IMMP2L: variants seen among roughly 807,000 people sequenced by gnomAD.
IMMP2L encodes the protein inner mitochondrial membrane peptidase subunit 2.
IMMP2L carries 18 observed loss-of-function variants against 19.3 expected under a neutral mutation model. That is an observed-to-expected ratio of 0.93 (90% CI 0.64 to 1.38). The LOEUF is 1.38. IMMP2L is among the 40% of genes most tolerant of loss of function. The pLI, the probability that IMMP2L is intolerant of heterozygous loss-of-function variation, is 0.00. For missense variants in IMMP2L, 233 were observed against 218.2 expected, an observed-to-expected ratio of 1.07 and a Z score of -0.43; for synonymous variants, 76 against 73.0, an observed-to-expected ratio of 1.04 and a Z score of -0.21.
intron 5 of IMMP2L, among the ~76,000 whole-genome samples, chr7:110,746,201 G>C (rs1797334539): frequency 6.6e-6 from 1 of 152,146 alleles, no homozygotes; most frequent in Non-Finnish European, 1.5e-5. Flanking sequence ...AACAAGAAGA[G>C]CTAAGTATCC....
chr7:111,031,837 T>C (rs1337711809), intron 3 of IMMP2L, among the ~76,000 whole-genome samples: 2 of 151,958 alleles, frequency 1.3e-5, no homozygotes, highest in Non-Finnish European at 2.9e-5. Context: ...ATGTTGACAA[T>C]ATGTACCCTT....
intron 3 of IMMP2L, among the ~76,000 whole-genome samples, chr7:111,070,141 A>T (rs1794830116): frequency 6.6e-6 from 1 of 152,220 alleles, no homozygotes; most frequent in Non-Finnish European, 1.5e-5. Context: ...GTGAAAAAAA[A>T]ATATGTAAAG....
chr7:110,745,157 A>G lies in IMMP2L; in HGVS notation c.409-81436T>C, dbSNP rs989711997. Among the ~76,000 whole-genome samples the G allele has an allele frequency of 3.3e-5, 5 of 152,222 alleles. No homozygotes were observed. The East Asian group carries it at 9.6e-4, about 29-fold the overall frequency. On this transcript the variant is annotated intron_variant, in intron 5 of 5. Coordinates refer to ENST00000405709, the MANE Select transcript of IMMP2L (RefSeq NM_032549.4). ...AAGAGGAAGAAAGGATATCAGAGAC[A>G]GAAGATCAACTCAATGAAATAAAGC...
chr7:111,258,845 C>T (rs767703842), intron 3 of IMMP2L, among the ~76,000 whole-genome samples: 3 of 152,082 alleles, frequency 2.0e-5, no homozygotes, highest in Admixed American at 2.0e-4. Flanking sequence ...TAAAACTACA[C>T]TTTTCAGTAC....
At chr7:111,251,132 G>A (rs1391906628) in intron 3 of IMMP2L, among the ~76,000 whole-genome samples, 2 of 152,032 alleles carry the variant, frequency 1.3e-5, no homozygotes, top group African/African-American at 4.8e-5. Context: ...CATAGAGCCA[G>A]TAAACATATG....
At chr7:111,384,294 G>A (rs142682144) in intron 3 of IMMP2L, among the ~76,000 whole-genome samples, 2 of 150,282 alleles carry the variant, frequency 1.3e-5, no homozygotes, top group South Asian at 4.2e-4. Context: ...AAGGAGAGAG[G>A]AGAAAGGAGG....
chr7:111,078,621 T>A (rs1795614212), intron 3 of IMMP2L, among the ~76,000 whole-genome samples: 2 of 152,184 alleles, frequency 1.3e-5, no homozygotes, highest in African/African-American at 4.8e-5. Flanking sequence ...CAAAGTGGTA[T>A]ATACAATATA....
intron 4 of IMMP2L, among the ~76,000 whole-genome samples, chr7:110,954,727 A>C (rs1005427804): frequency 1.3e-5 from 2 of 152,098 alleles, no homozygotes; most frequent in Non-Finnish European, 1.5e-5. Context: ...TGGCTTCTAC[A>C]TCACACCAAA....
intron 4 of IMMP2L, among the ~76,000 whole-genome samples, chr7:110,931,829 C>T (rs1228294221): frequency 6.6e-6 from 1 of 152,174 alleles, no homozygotes; most frequent in Non-Finnish European, 1.5e-5. Context: ...TCCCACTACA[C>T]TCCACTTCAT....
chr7:110,964,196 T>C (rs944509153), intron 3 of IMMP2L, among the ~76,000 whole-genome samples: 2 of 152,062 alleles, frequency 1.3e-5, no homozygotes, highest in African/African-American at 2.4e-5. Flanking sequence ...CTTTATAAAC[T>C]ATCCAGTCTC....
intron 5 of IMMP2L, among the ~76,000 whole-genome samples, chr7:110,664,040 T>C (rs1791252274): frequency 6.6e-6 from 1 of 152,090 alleles, no homozygotes; most frequent in Non-Finnish European, 1.5e-5. Context: ...TTTGCCAAAA[T>C]TCATACAGCT....
intron 3 of IMMP2L, among the ~76,000 whole-genome samples, chr7:111,300,284 G>C (rs567223366): frequency 3.3e-5 from 5 of 152,260 alleles, no homozygotes; most frequent in African/African-American, 9.6e-5. Context: ...CTTTCTAAAA[G>C]TACAGACACG....
rs548280444 is a variant in IMMP2L, at chr7:111,334,729, C to G, written c.239+152509G>C. 5.3e-5 allele frequency among the ~76,000 whole-genome samples: 8 copies of G among 152,118 alleles called. No individual in the cohort carries two copies. The East Asian group carries it at 1.5e-3, about 29-fold the overall frequency. ...TGCAAAAGACTTCCAGGGAATTTAG[C>G]TCCCTAGAAGTTGATGGCACTGATT... On this transcript the variant is annotated intron_variant, in intron 3 of 5. Transcript: ENST00000405709.
intron 3 of IMMP2L, among the ~76,000 whole-genome samples, chr7:111,375,345 C>T (rs1438619940): frequency 6.6e-6 from 1 of 152,012 alleles, no homozygotes; most frequent in Non-Finnish European, 1.5e-5. Flanking sequence ...ATCCAATCCA[C>T]TTGCTTAAAT....
intron 5 of IMMP2L, among the ~76,000 whole-genome samples, chr7:110,702,843 C>T (rs1305063334): frequency 6.6e-6 from 1 of 152,064 alleles, no homozygotes; most frequent in Non-Finnish European, 1.5e-5. Context: ...CATGTACAAT[C>T]ATGTTTTTAA....
chr7:111,442,802 T>C (rs1015512621), intron 3 of IMMP2L, among the ~76,000 whole-genome samples: 3 of 151,860 alleles, frequency 2.0e-5, no homozygotes, highest in Admixed American at 1.3e-4. Context: ...CACAGGAGAG[T>C]AAGTGGTTTT....
intron 3 of IMMP2L, among the ~76,000 whole-genome samples, chr7:111,104,507 AT>A: frequency 6.6e-6 from 1 of 151,886 alleles, no homozygotes; most frequent in East Asian, 1.9e-4. Flanking sequence ...GCTGATATCA[AT>A]TTTTTAAAAG....
At chr7:111,457,967 T>C (rs1839817144) in intron 3 of IMMP2L, among the ~76,000 whole-genome samples, 4 of 150,770 alleles carry the variant, frequency 2.7e-5, no homozygotes, top group Admixed American at 6.6e-5. Flanking sequence ...CAACAAATGT[T>C]CGAGTGCATT....
chr7:111,190,896 G>A (rs1808789498), intron 3 of IMMP2L, among the ~76,000 whole-genome samples: 1 of 152,090 alleles, frequency 6.6e-6, no homozygotes, highest in South Asian at 2.1e-4. Context: ...GAGAGCTGGT[G>A]CCACAAATTT....
Sources: allele counts gnomAD v4.1 joint callset (sites outside exome capture counted in the v4.1 genomes callset), GRCh38; gene constraint gnomAD v4.1.1; transcripts MANE v1.5; gene names NCBI Gene and HGNC (gene_info 2026-07-23, HGNC 2026-07-21).